Variants in SENP5 observed in about 807,000 individuals in gnomAD.
SENP5 encodes SUMO specific peptidase 5.
A neutral mutation model predicts 74.2 loss-of-function variants in SENP5; 21 were observed. The observed-to-expected ratio is 0.28, with a 90% CI of 0.20 to 0.41. The LOEUF (loss-of-function observed/expected upper bound fraction) is 0.41, where lower values mean the gene tolerates loss of function less well. Ranked by LOEUF, SENP5 falls within the 10% of genes least tolerant of loss-of-function variation. The pLI, the probability that SENP5 is intolerant of heterozygous loss-of-function variation, is 1.00. For missense variants in SENP5, 717 were observed against 889.1 expected (o/e 0.81, Z 2.46); for synonymous variants, 311 against 312.7 (o/e 0.99, Z 0.06).
intron 1 of SENP5, among the ~76,000 whole-genome samples, chr3:196,883,291 C>A (rs1481890500): frequency 6.6e-6 from 1 of 152,098 alleles, no homozygotes; most frequent in Non-Finnish European, 1.5e-5. Flanking sequence ...TTTGTTGTGA[C>A]ATCCCCAAAT....
At chr3:196,889,925 C>G (rs1714134351) in intron 2 of SENP5, among the ~76,000 whole-genome samples, 1 of 152,188 alleles carries the variant, frequency 6.6e-6, no homozygotes, top group Non-Finnish European at 1.5e-5. Flanking sequence ...CTCTCCCTGC[C>G]TGTGCCACAT....
At chr3:196,892,393 C>T (rs1020386791) in intron 2 of SENP5, among the ~76,000 whole-genome samples, 22 of 149,130 alleles carry the variant, frequency 1.5e-4, no homozygotes, top group South Asian at 4.3e-4. Flanking sequence ...GTGATCCGCC[C>T]GGCTTAGCCT....
intron 6 of SENP5, among the ~76,000 whole-genome samples, chr3:196,922,782 C>T (rs1439776084): frequency 2.0e-5 from 3 of 152,080 alleles, no homozygotes; most frequent in East Asian, 1.9e-4. Flanking sequence ...CCACCACGCC[C>T]GGTTAGTTTT....
chr3:196,890,452 T>G (rs1397051685), intron 2 of SENP5, among the ~76,000 whole-genome samples: 5 of 152,208 alleles, frequency 3.3e-5, no homozygotes, highest in Non-Finnish European at 2.9e-5. Context: ...GTTTCATAAT[T>G]TTATTCAGTA....
In SENP5 at chr3:196,899,911, C is replaced by G; in HGVS notation, c.1620-13C>G. 1 of 1,611,024 alleles carries G rather than the reference C, an allele frequency of 6.2e-7. No homozygotes were observed. Among genetic ancestry groups the G allele is most frequent in the Non-Finnish European group, 8.5e-7 (1 of 1,179,008 alleles). On this transcript the variant is annotated splice_polypyrimidine_tract_variant and intron_variant, in intron 3 of 9. Transcript: ENST00000323460. The stretch of plus-strand genomic sequence containing the variant: ...TTTTTTTTACCTTTTGTTTCAAAAT[C>G]TTTCTCTTTCAGAAAACCATTTATC...
In SENP5 at chr3:196,933,904, A is replaced by C. The variant is rs1382281875; in HGVS notation, c.*2981A>C. On this transcript the variant is annotated 3_prime_UTR_variant, in exon 10 of 10. Transcript: ENST00000323460. ...GGCATGAGCTACCGTGCCTGGCCTA[A>C]ACCTTACGCTTTTGAGGTTGAGTGC... is the stretch of plus-strand genomic sequence containing the variant. 1.3e-5 allele frequency: 2 copies of C among 152,064 alleles called. No homozygotes were observed. Among genetic ancestry groups the C allele is most frequent in the African/African-American group, 4.8e-5 (2 of 41,404 alleles). The allele number at this position is 152,064 out of a possible 1,614,324, so 9.4% of individuals were successfully genotyped here. A position where few individuals can be genotyped will look rare whatever the true frequency, so the allele number is the denominator to read the frequency against.
intron 9 of SENP5, 27 bp downstream of exon 9, chr3:196,929,710 T>C: frequency 6.5e-7 from 1 of 1,529,002 alleles, no homozygotes; most frequent in Non-Finnish European, 9.1e-7. Context: ...TTTTCGGAAC[T>C]TACAATGTGT....
At chr3:196,914,584 AAAAT>A (rs1165103650) in intron 6 of SENP5, 5 of 59,406 alleles carry the variant, frequency 8.4e-5, no homozygotes, top group East Asian at 7.2e-4. Context: ...AAAAAAAAAA[AAAAT>A]ATATATATAT....
intron 7 of SENP5, among the ~76,000 whole-genome samples, chr3:196,924,017 C>G (rs1261276953): frequency 1.3e-5 from 2 of 152,020 alleles, no homozygotes; most frequent in Non-Finnish European, 2.9e-5. Flanking sequence ...GAAAATGTAA[C>G]TGGGAATAAG....
At chr3:196,872,334 C>T (rs1001920806) in intron 1 of SENP5, among the ~76,000 whole-genome samples, 3 of 152,038 alleles carry the variant, frequency 2.0e-5, no homozygotes, top group Non-Finnish European at 2.9e-5. Context: ...ATTACTGGAC[C>T]GTTGTATTCA....
intron 2 of SENP5, among the ~76,000 whole-genome samples, chr3:196,888,684 T>C (rs1714081354): frequency 1.3e-5 from 2 of 152,028 alleles, no homozygotes; most frequent in Admixed American, 1.3e-4. Flanking sequence ...TGAGTGTGAG[T>C]ATATATGTGT....
chr3:196,895,361 AT>A (rs375405097), intron 2 of SENP5, among the ~76,000 whole-genome samples: 8 of 144,252 alleles, frequency 5.5e-5, no homozygotes, highest in African/African-American at 2.1e-4. Context: ...AATTTTTTGT[AT>A]TTTTTAGTAG....
intron 6 of SENP5, among the ~76,000 whole-genome samples, chr3:196,917,054 A>G (rs1715409406): frequency 6.6e-6 from 1 of 151,946 alleles, no homozygotes; most frequent in Non-Finnish European, 1.5e-5. Flanking sequence ...GAATCGCTTG[A>G]ACCTGGGAGA....
intron 9 of SENP5, 29 bp downstream of exon 9, chr3:196,929,712 A>C: frequency 2.6e-6 from 4 of 1,510,322 alleles, no homozygotes; most frequent in Non-Finnish European, 3.7e-6. Context: ...TTCGGAACTT[A>C]CAATGTGTGA....
intron 6 of SENP5, among the ~76,000 whole-genome samples, chr3:196,918,987 A>G (rs925038252): frequency 3.3e-5 from 5 of 152,162 alleles, no homozygotes; most frequent in Non-Finnish European, 5.9e-5. Context: ...GTATCTATCT[A>G]TCTATCTATC....
chr3:196,914,829 A>G (rs1260433521), intron 6 of SENP5, among the ~76,000 whole-genome samples: 1 of 151,938 alleles, frequency 6.6e-6, no homozygotes, highest in Non-Finnish European at 1.5e-5. Flanking sequence ...TCTCAAGGAA[A>G]GAGGCATCGA....
At chr3:196,907,642 A>G (rs1376551397) in intron 6 of SENP5, among the ~76,000 whole-genome samples, 1 of 152,200 alleles carries the variant, frequency 6.6e-6, no homozygotes, top group Admixed American at 6.5e-5. Context: ...CTTCCTCTAG[A>G]TCAGGGGTGT....
rs1713986775 is a variant in SENP5 at position 196,886,595 on chromosome 3, G to A, written c.1414G>A (p.Val472Met). ...TAAAAGTCCACTGGAGGCTCCCTTG[G>A]TGTGCAGTGGACTCAAACTAGAAAA... ...YCKSPLEAPL[V>M]CSGLKLENQV... The change falls in exon 2 of 10, where the codon GTG (valine) becomes ATG (methionine). Residue 472 changes from valine (V) to methionine (M), a missense_variant. Transcript: ENST00000323460. 1 of 1,613,360 alleles carries A rather than the reference G, an allele frequency of 6.2e-7. No individual in the cohort carries two copies. Among genetic ancestry groups the A allele is most frequent in the African/African-American group, 1.3e-5 (1 of 74,900 alleles).
intron 6 of SENP5, among the ~76,000 whole-genome samples, chr3:196,920,145 T>G (rs1269319049): frequency 6.6e-6 from 1 of 152,176 alleles, no homozygotes; most frequent in Non-Finnish European, 1.5e-5. Flanking sequence ...GTTTATACAT[T>G]AGTTTGGGGA....
Sources: allele counts gnomAD v4.1 joint callset (sites outside exome capture counted in the v4.1 genomes callset), GRCh38; gene constraint gnomAD v4.1.1; transcripts MANE v1.5; gene names NCBI Gene and HGNC (gene_info 2026-07-23, HGNC 2026-07-21).